METTL9: variants seen among roughly 807,000 people sequenced by gnomAD.
METTL9 encodes methyltransferase 9, His-X-His N1(pi)-histidine.
In METTL9, 10 loss-of-function variants were observed where a neutral mutation model predicts 36.0. The observed-to-expected ratio is 0.28, with a 90% CI of 0.17 to 0.47. The LOEUF (loss-of-function observed/expected upper bound fraction) is 0.47. Among genes scored for constraint, METTL9 ranks in the 20% least tolerant of loss-of-function variants. METTL9 has a pLI of 0.99. For synonymous variants in METTL9, 175 were observed against 149.7 expected, an observed-to-expected ratio of 1.17 and a Z score of -1.23; for missense variants, 246 against 383.5, an observed-to-expected ratio of 0.64 and a Z score of 3.00.
intron 1 of METTL9, among the ~76,000 whole-genome samples, chr16:21,602,374 A>G (rs1965156293): frequency 1.3e-5 from 2 of 152,166 alleles, no homozygotes; most frequent in South Asian, 4.1e-4. Context: ...CCTTTGGGCT[A>G]AAGCTGCTCT....
At chr16:21,600,094 C>T (rs1965075624) in intron 1 of METTL9, among the ~76,000 whole-genome samples, 196 bp downstream of exon 1, 2 of 152,104 alleles carry the variant, frequency 1.3e-5, no homozygotes, top group Non-Finnish European at 2.9e-5. Context: ...GGCCGCGGCC[C>T]CGCGAGCGCC....
At chr16:21,611,395 C>T (rs1316414072) in intron 1 of METTL9, among the ~76,000 whole-genome samples, 8 of 152,080 alleles carry the variant, frequency 5.3e-5, no homozygotes, top group East Asian at 1.9e-4. Context: ...ACTTATGGGA[C>T]GTCTACTGCT....
rs1412591799 is a variant in METTL9 at position 21,617,985 on chromosome 16, C to T, written c.477C>T (p.Val159=). The T allele has an allele frequency of 1.9e-6, 3 of 1,612,988 alleles. No individual in the cohort carries two copies. The highest frequency in any genetic ancestry group is 2.2e-5 in the East Asian group (1 of 44,840). Residue 159 remains valine (V), a synonymous_variant, in exon 3 of 5, where the codon GTC becomes GTT. Transcript: ENST00000358154. ...ATTTAGGTGCTGGAGATGGAGAAGT[C>T]ACAAAAATCATGAGCCCTCATTTTG... ...LLDLGAGDGE[V]TKIMSPHFEE... is the part of the protein sequence containing the mutation.
At chr16:21,625,149 GGATAGCTGTTTATTGGTATTTGT>G in intron 4 of METTL9, 34 bp downstream of exon 4, 1 of 1,602,456 alleles carries the variant, frequency 6.2e-7, no homozygotes, top group South Asian at 1.1e-5. Context: ...CTCTTACTGA[GGATAGCTGTTTATTGGTATTTGT>G]GATTTTGTGC....
intron 3 of METTL9, among the ~76,000 whole-genome samples, chr16:21,621,097 G>A (rs1389973947): frequency 6.6e-6 from 1 of 152,012 alleles, no homozygotes; most frequent in East Asian, 1.9e-4. Flanking sequence ...AGCCTCCTCA[G>A]TAGCTGGGAC....
intron 1 of METTL9, among the ~76,000 whole-genome samples, chr16:21,605,416 T>G (rs1965258861): frequency 6.6e-6 from 1 of 151,426 alleles, no homozygotes; most frequent in African/African-American, 2.4e-5. Context: ...GAGTAGCTTC[T>G]AAATCTTTTG....
chr16:21,645,540 C>A (rs1966399019), intron 4 of METTL9, among the ~76,000 whole-genome samples: 1 of 152,144 alleles, frequency 6.6e-6, no homozygotes, highest in Non-Finnish European at 1.5e-5. Context: ...GTGAAACTAA[C>A]AAATTAACCA....
At position 21,621,527 on chromosome 16, in the gene METTL9, G is replaced by A. The variant is rs542790370; in HGVS notation, c.567-3404G>A. The stretch of plus-strand genomic sequence containing the variant: ...ATTTTAGCAGAGATAAGGTTTCACT[G>A]TGTTGCCCAGGCTGGTCTCGAACTC... On this transcript the variant is annotated intron_variant, in intron 3 of 4. Transcript: ENST00000358154. Among the ~76,000 whole-genome samples, 4 of 152,088 alleles carry A rather than the reference G, an allele frequency of 2.6e-5. No homozygotes were observed. In the East Asian group the frequency reaches 7.8e-4, roughly 30 times the overall value.
upstream of METTL9, among the ~76,000 whole-genome samples, chr16:21,598,210 A>G (rs1474111120): frequency 1.3e-5 from 2 of 152,206 alleles, no homozygotes; most frequent in East Asian, 3.9e-4. Flanking sequence ...TTAGCTGGGC[A>G]TGGTGGCGCG....
intron 1 of METTL9, among the ~76,000 whole-genome samples, chr16:21,609,606 T>C (rs926980323): frequency 6.6e-6 from 1 of 151,196 alleles, no homozygotes; most frequent in African/African-American, 2.4e-5. Flanking sequence ...TGGTGGGAAA[T>C]GTTGGGGGGC....
intron 4 of METTL9, chr16:21,646,363 TTC>T (rs1567346274): frequency 6.6e-6 from 1 of 152,226 alleles, no homozygotes; most frequent in Non-Finnish European, 1.5e-5. Context: ...CCTGAGTAGC[TTC>T]TCTCCAAATC....
intron 4 of METTL9, among the ~76,000 whole-genome samples, chr16:21,634,748 A>G (rs761842115): frequency 5.3e-5 from 8 of 152,100 alleles, no homozygotes; most frequent in Non-Finnish European, 1.0e-4. Flanking sequence ...TTGACCCTTG[A>G]GTGATTTGGG....
At chr16:21,625,560 T>G (rs1457304050) in intron 4 of METTL9, among the ~76,000 whole-genome samples, 1 of 152,202 alleles carries the variant, frequency 6.6e-6, no homozygotes, top group African/African-American at 2.4e-5. Flanking sequence ...TTTTATCTGT[T>G]TTTTTCTCTT....
chr16:21,623,853 C>T (rs1221290066), intron 3 of METTL9, among the ~76,000 whole-genome samples: 2 of 152,094 alleles, frequency 1.3e-5, no homozygotes, highest in East Asian at 1.9e-4. Context: ...TCACTGCAGC[C>T]TCCGCCTCCC....
rs1484149780 is a variant in METTL9 at position 21,613,284 on chromosome 16, A to G, written c.356+449A>G. On this transcript the variant is annotated intron_variant, in intron 2 of 4. Transcript: ENST00000358154. ...CTGCAGCCTCCGCCTCCCGGGTTTAAGTAATTCTCATGCCTCAGCCTCCCA... is the reference window on the plus strand; with the variant it reads ...CTGCAGCCTCCGCCTCCCGGGTTTAGGTAATTCTCATGCCTCAGCCTCCCA... 7.4e-5 allele frequency among the ~76,000 whole-genome samples: 11 copies of G among 147,822 alleles called. 1 individual carries two copies. The Admixed American group carries it at 7.6e-4, about 10-fold the overall frequency.
At position 21,657,176 on chromosome 16, in the gene METTL9, T is replaced by C. The variant is rs1189435305; in HGVS notation, c.*1744T>C. ...CTAATAAGAAAAATACAACTCATTC[T>C]TAACCACCCCCCCAAAACAGAGAAA... On this transcript the variant is annotated 3_prime_UTR_variant, in exon 5 of 5. Coordinates refer to ENST00000358154, the MANE Select transcript of METTL9 (RefSeq NM_016025.5). 1 of 152,162 alleles carries C rather than the reference T, an allele frequency of 6.6e-6. No homozygotes were observed. The highest frequency in any genetic ancestry group is 1.5e-5 in the Non-Finnish European group (1 of 68,028). 9.4% of individuals were successfully genotyped at this position (152,162 alleles called of 1,614,324 possible).
intron 1 of METTL9, among the ~76,000 whole-genome samples, chr16:21,610,958 C>T (rs1321664235): frequency 6.6e-6 from 1 of 152,006 alleles, no homozygotes; most frequent in African/African-American, 2.4e-5. Context: ...TAATAAAAAA[C>T]GGTTTATGAC....
At chr16:21,630,478 C>T (rs907557037) in intron 4 of METTL9, among the ~76,000 whole-genome samples, 2 of 152,164 alleles carry the variant, frequency 1.3e-5, no homozygotes, top group Non-Finnish European at 2.9e-5. Context: ...CGAGAGCGAG[C>T]GAGGGCTGCT....
At chr16:21,640,929 G>T (rs560080016) in intron 4 of METTL9, 3 of 152,212 alleles carry the variant, frequency 2.0e-5, no homozygotes, top group Admixed American at 6.5e-5. Flanking sequence ...TTAACCTTCA[G>T]CTTTGGATTT....
Sources: gnomAD v4.1 joint callset for allele counts (sites outside exome capture counted in the v4.1 genomes callset) on GRCh38, gnomAD v4.1.1 for gene constraint, MANE v1.5 for transcripts, NCBI Gene and HGNC (gene_info 2026-07-23, HGNC 2026-07-21) for gene names.